The following RNF103 variants were observed in gnomAD, a reference collection of about 807,000 sequenced individuals.
RNF103 encodes the protein E3 ubiquitin-protein ligase RNF103.
In RNF103, 23 loss-of-function variants were observed where a neutral mutation model predicts 66.2. That is an observed-to-expected ratio of 0.35 (90% CI 0.25 to 0.49). RNF103 has a LOEUF of 0.49. Among genes scored for constraint, RNF103 ranks in the 20% least tolerant of loss-of-function variants. The probability of loss-of-function intolerance (pLI) is 0.98; values close to 1 mark genes in which losing one functional copy is unlikely to be tolerated. For missense variants in RNF103, 730 were observed against 814.7 expected (o/e 0.90, Z 1.27); for synonymous variants, 297 against 289.9 (o/e 1.02, Z -0.25).
chr2:86,612,033 A>T, intron 3 of RNF103, 126 bp downstream of exon 3: 1 of 559,286 alleles, frequency 1.8e-6, no homozygotes, highest in Non-Finnish European at 3.1e-6. Flanking sequence ...GCACCTATGT[A>T]ACTAAGAGTG....
chr2:86,604,451 C>T lies in RNF103; in HGVS notation c.1450G>A (p.Glu484Lys), dbSNP rs1239413917. Residue 484 changes from glutamate to lysine, a missense_variant, in exon 4 of 4, where the codon GAA (glutamate) becomes AAA (lysine). This residue lies in a region of RNF103 where 355 missense variants were observed against 351.9 expected (regional missense o/e 1.01). Transcript: ENST00000237455. ...QNFPVESDWD[E>K]DPDLFLERLA... ...CGCTCCAAGAATAAGTCAGGGTCTT[C>T]GTCCCAATCAGATTCTACAGGAAAG... The T allele has an allele frequency of 1.9e-6, 3 of 1,614,102 alleles. No homozygotes were observed. Among genetic ancestry groups the T allele is most frequent in the African/African-American group, 1.3e-5 (1 of 74,940 alleles).
intron 3 of RNF103, 68 bp downstream of exon 3, chr2:86,612,091 A>G: frequency 1.0e-6 from 1 of 960,410 alleles, no homozygotes; most frequent in Non-Finnish European, 1.6e-6. Flanking sequence ...TTCTAGTATC[A>G]TTGCCCTTTT....
chr2:86,621,359 C>A (rs1679220423), intron 1 of RNF103, among the ~76,000 whole-genome samples: 1 of 152,068 alleles, frequency 6.6e-6, no homozygotes, highest in Non-Finnish European at 1.5e-5. Flanking sequence ...AAAATGATGG[C>A]TTTGGCAGTT....
chr2:86,603,886 GGCT>G lies in RNF103; in HGVS notation c.2012_2014del (p.Gln671del), dbSNP rs748854200. The G allele has an allele frequency of 2.7e-5, 43 of 1,613,956 alleles. No individual in the cohort carries two copies. Among genetic ancestry groups the G allele is most frequent in the South Asian group, 7.7e-5 (7 of 91,082 alleles). On this transcript the variant is annotated inframe_deletion, in exon 4 of 4. Transcript: ENST00000237455. ...TGACAAGGGCTGGTGTTGTGCATAT[GGCT>G]GCTTTTTTTTATAAGAAGGCCACCG...
rs957405073 is a variant in RNF103, at chr2:86,623,229, G to T, written c.-343C>A. 9.9e-7 allele frequency: 1 copy of T among 1,011,420 alleles called. No individual in the cohort carries two copies. The highest frequency in any genetic ancestry group is 1.2e-6 in the Non-Finnish European group (1 of 848,644). The allele number at this position is 1,011,420 out of a possible 1,614,324, so 62.7% of individuals were successfully genotyped here. Reference sequence around the variant, plus strand: ...CGCGGGGAAGAACAAAACGAGGGACGCTTCCCCCGGGGCGGGCACTGACCC... The same window carrying T: ...CGCGGGGAAGAACAAAACGAGGGACTCTTCCCCCGGGGCGGGCACTGACCC... On this transcript the variant is annotated 5_prime_UTR_variant, in exon 1 of 4. Transcript: ENST00000237455.
intron 3 of RNF103, among the ~76,000 whole-genome samples, chr2:86,606,607 G>A (rs1678564676): frequency 6.9e-6 from 1 of 145,122 alleles, no homozygotes; most frequent in Non-Finnish European, 1.5e-5. Context: ...AGGGTGCAGT[G>A]AGCCGAGATC....
Position 86,620,329 on chromosome 2 carries a change from C to T in RNF103, c.366+1G>A. On this transcript the variant is annotated splice_donor_variant, in intron 2 of 3. Transcript: ENST00000237455. LOFTEE classifies it high-confidence loss of function. ...TATCAAATTATTACTGCTTTTCATA[C>T]CTGAACCAGCCAGATGCCATCTTTT... The T allele has an allele frequency of 1.3e-6, 2 of 1,595,316 alleles. No individual in the cohort carries two copies. Among genetic ancestry groups the T allele is most frequent in the Non-Finnish European group, 1.7e-6 (2 of 1,167,514 alleles).
chr2:86,606,430 C>T (rs1678551667), intron 3 of RNF103, among the ~76,000 whole-genome samples: 1 of 151,892 alleles, frequency 6.6e-6, no homozygotes, highest in South Asian at 2.1e-4. Context: ...TTTGGGAGGC[C>T]AAGGTGGGCA....
Position 86,612,161 on chromosome 2 carries a change from G to T in RNF103, c.480C>A (p.Pro160=). The T allele has an allele frequency of 1.2e-6, 2 of 1,601,656 alleles. No individual in the cohort carries two copies. The highest frequency in any genetic ancestry group is 1.7e-6 in the Non-Finnish European group (2 of 1,172,834). Residue 160 remains proline (P), a splice_region_variant and synonymous_variant, in exon 3 of 4, where the codon CCC becomes CCA. Coordinates refer to ENST00000237455, the MANE Select transcript of RNF103 (RefSeq NM_005667.4). ...TAAGAATTGCCTAATCAACTTACCTGGGATCACTGGAACAGTTAAATGTGC... is the reference window on the plus strand; with the variant it reads ...TAAGAATTGCCTAATCAACTTACCTTGGATCACTGGAACAGTTAAATGTGC... ...RTGTFNCSSD[P]RYCRRRGWVR...
chr2:86,619,564 T>G (rs947550383), intron 2 of RNF103, among the ~76,000 whole-genome samples: 1 of 152,358 alleles, frequency 6.6e-6, no homozygotes, highest in South Asian at 2.1e-4. Flanking sequence ...TTACTTGATA[T>G]GTCACTTTGA....
At chr2:86,605,696 T>G (rs745812669) in intron 3 of RNF103, among the ~76,000 whole-genome samples, 7 of 152,124 alleles carry the variant, frequency 4.6e-5, no homozygotes, top group Non-Finnish European at 7.4e-5. Flanking sequence ...TACCTACAAC[T>G]GCGTTATGTG....
intron 2 of RNF103, chr2:86,615,177 T>G (rs1678968168): frequency 1.0e-6 from 1 of 985,428 alleles, no homozygotes; most frequent in Non-Finnish European, 1.2e-6. Context: ...CAAGACAATG[T>G]TCAATGCCAG....
chr2:86,605,185 AG>A lies in RNF103; in HGVS notation c.715del (p.Leu239TyrfsTer15). The A allele has an allele frequency of 6.2e-7, 1 of 1,613,852 alleles. No homozygotes were observed. On this transcript the variant is annotated frameshift_variant, in exon 4 of 4. Transcript: ENST00000237455. LOFTEE classifies it high-confidence loss of function. ...KSDQYWLKIY[L>X]FANLDQPPAF... ...TGGGGGCTGGTCAAGGTTTGCAAAT[AG>A]GTATATTTTTAACCAATACTGATCA...
At chr2:86,608,477 A>T (rs1433136663) in intron 3 of RNF103, among the ~76,000 whole-genome samples, 2 of 127,990 alleles carry the variant, frequency 1.6e-5, no homozygotes, top group Non-Finnish European at 3.2e-5. Flanking sequence ...ATAGAGTGAG[A>T]CTCCATCTCA....
chr2:86,617,323 C>G (rs1679058481), intron 2 of RNF103: 16 of 985,352 alleles, frequency 1.6e-5, no homozygotes, highest in Non-Finnish European at 1.9e-5. Context: ...TTCTAAAATA[C>G]AGTGGTCTCC....
intron 1 of RNF103, among the ~76,000 whole-genome samples, chr2:86,621,894 T>C (rs188495844): frequency 6.6e-6 from 1 of 152,228 alleles, no homozygotes; most frequent in Admixed American, 6.5e-5. Flanking sequence ...AAACCAACAA[T>C]TACTAAAAAC....
At position 86,619,743 on chromosome 2, in the gene RNF103, T is replaced by C. The variant is rs906309426; in HGVS notation, c.366+587A>G. Among the ~76,000 whole-genome samples, 10 of 152,306 alleles carry C rather than the reference T, an allele frequency of 6.6e-5. No individual in the cohort carries two copies. In the South Asian group the frequency reaches 1.5e-3, roughly 22 times the overall value. ...CATAAAATATTTTTAAGGTCCATCA[T>C]AGCTCTAAAATTCTAATATGCTAAT... On this transcript the variant is annotated intron_variant, in intron 2 of 3. Coordinates refer to ENST00000237455, the MANE Select transcript of RNF103 (RefSeq NM_005667.4).
rs773307711 is a variant in RNF103, at chr2:86,603,809, T to C, written c.*34A>G. On this transcript the variant is annotated 3_prime_UTR_variant, in exon 4 of 4. Coordinates refer to ENST00000237455, the MANE Select transcript of RNF103 (RefSeq NM_005667.4). ...AACATTAAAAAGGCAAGCTGTAAGA[T>C]ACTCAAAGCTTATAAAGGACAAATT... 1.3e-6 allele frequency: 2 copies of C among 1,563,992 alleles called. No homozygotes were observed. Among genetic ancestry groups the C allele is most frequent in the African/African-American group, 1.4e-5 (1 of 72,794 alleles).
rs986567220 is a variant in RNF103, at chr2:86,617,986, T to A, written c.366+2344A>T. ...GCCTCAAGGAACACAAGCCAGACAG[T>A]GGTGGTCAATGCAAACCTTGAGCAT... On this transcript the variant is annotated intron_variant, in intron 2 of 3. Coordinates refer to ENST00000237455, the MANE Select transcript of RNF103 (RefSeq NM_005667.4). 62 of 478,324 alleles carry A rather than the reference T, an allele frequency of 1.3e-4. No individual in the cohort carries two copies. The Admixed American group carries it at 1.4e-3, about 11-fold the overall frequency. 29.6% of individuals were successfully genotyped at this position (478,324 alleles called of 1,614,324 possible).
Sources: allele counts gnomAD v4.1 joint callset (sites outside exome capture counted in the v4.1 genomes callset), GRCh38; gene constraint gnomAD v4.1.1; regional missense constraint gnomAD v4.1.1; transcripts MANE v1.5; gene names NCBI Gene and HGNC (gene_info 2026-07-23, HGNC 2026-07-21).